The following ZSCAN29 variants were observed in gnomAD, a reference collection of about 807,000 sequenced individuals.
ZSCAN29 encodes zinc finger and SCAN domain containing 29.
A neutral mutation model predicts 71.9 loss-of-function variants in ZSCAN29; 55 were observed. The observed-to-expected ratio is 0.76, with a 90% CI of 0.62 to 0.96. The LOEUF (loss-of-function observed/expected upper bound fraction) is 0.96, where lower values mean the gene tolerates loss of function less well. Ranked by LOEUF, ZSCAN29 falls within the 40% of genes least tolerant of loss-of-function variation. ZSCAN29 has a pLI of 0.00. For missense variants in ZSCAN29, 1,042 were observed against 1,042.2 expected (o/e 1.00, Z 0.00); for synonymous variants, 351 against 371.6 (o/e 0.94, Z 0.64).
intron 5 of ZSCAN29, among the ~76,000 whole-genome samples, chr15:43,363,549 TAA>T (rs1356163783): frequency 1.3e-5 from 2 of 152,178 alleles, no homozygotes; most frequent in East Asian, 1.9e-4. Flanking sequence ...AGAAGACATA[TAA>T]AAGAGAATGA....
At chr15:43,368,086 A>G (rs2044057107) in intron 3 of ZSCAN29, among the ~76,000 whole-genome samples, 1 of 152,228 alleles carries the variant, frequency 6.6e-6, no homozygotes, top group Admixed American at 6.5e-5. Context: ...CTGATACAAG[A>G]CATTGCAAGA....
intron 3 of ZSCAN29, 119 bp downstream of exon 3, chr15:43,368,804 A>G: frequency 2.2e-6 from 2 of 924,696 alleles, no homozygotes; most frequent in Non-Finnish European, 3.3e-6. Flanking sequence ...CTACATGTCA[A>G]CAACCACATA....
Position 43,370,839 on chromosome 15 carries a change from A to C in ZSCAN29, c.-394T>G. The C allele has an allele frequency of 6.1e-6, 1 of 163,570 alleles. No individual in the cohort carries two copies. Among genetic ancestry groups the C allele is most frequent in the South Asian group, 1.5e-4 (1 of 6,586 alleles). 10.1% of individuals were successfully genotyped at this position (163,570 alleles called of 1,614,324 possible). A position where few individuals can be genotyped will look rare whatever the true frequency, so the allele number is the denominator to read the frequency against. On this transcript the variant is annotated 5_prime_UTR_variant, in exon 1 of 6. Transcript: ENST00000684362. ...CGGAGCCGTCGTGCGGTCCCTCCAG[A>C]GGCCTCTGACCCGGCTAAGGCGCCC...
chr15:43,369,562 C>G, intron 2 of ZSCAN29, 34 bp downstream of exon 2: 1 of 1,589,984 alleles, frequency 6.3e-7, no homozygotes. Context: ...CCCAGTATCA[C>G]ACTTTTGAAT....
At position 43,361,303 on chromosome 15, in the gene ZSCAN29, A is replaced by G. The variant is rs1366366330; in HGVS notation, c.2329T>C (p.Phe777Leu). ...CGKSFNNSSH[F>L]SAHRRIHTGE... Reference sequence around the variant, plus strand: ...GTGTGTATCCTCCGATGTGCACTAAAATGAGAACTGTTATTGAAGCTTTTT... The same window carrying G: ...GTGTGTATCCTCCGATGTGCACTAAGATGAGAACTGTTATTGAAGCTTTTT... The change falls in exon 6 of 6, where the codon TTT becomes CTT. Residue 777 changes from phenylalanine (F) to leucine (L), a missense_variant. By Grantham distance (22) the Phe-to-Leu change is conservative. Coordinates refer to ENST00000684362, the MANE Select transcript of ZSCAN29 (RefSeq NM_001372080.1). 6.2e-7 allele frequency: 1 copy of G among 1,614,032 alleles called. No homozygotes were observed. The highest frequency in any genetic ancestry group is 2.2e-5 in the East Asian group (1 of 44,876).
chr15:43,364,868 C>T (rs1327027670), intron 4 of ZSCAN29, among the ~76,000 whole-genome samples: 3 of 130,822 alleles, frequency 2.3e-5, no homozygotes, highest in African/African-American at 8.6e-5. Context: ...GCACTCCAGC[C>T]TGGACAACAA....
In ZSCAN29 at chr15:43,369,609, C is replaced by G. The variant is rs1195291653; in HGVS notation, c.305G>C (p.Arg102Thr). 1 of 1,612,650 alleles carries G rather than the reference C, an allele frequency of 6.2e-7. No homozygotes were observed. The highest frequency in any genetic ancestry group is 1.1e-5 in the South Asian group (1 of 91,028). The change falls in exon 2 of 6, where the codon AGA (arginine) becomes ACA (threonine). Residue 102 changes from arginine to threonine, a missense_variant. Transcript: ENST00000684362. Reference protein sequence around the residue: ...LVEDLEREPGRPRSSVTVSVK... With the variant: ...LVEDLEREPGTPRSSVTVSVK... ...CTCCCTTCTCACCGAAGATCTAGGTCTTCCAGGCTCTCTTTCTAAATCTTC... is the reference window on the plus strand; with the variant it reads ...CTCCCTTCTCACCGAAGATCTAGGTGTTCCAGGCTCTCTTTCTAAATCTTC...
In ZSCAN29 at chr15:43,367,896, A is replaced by G. The variant is rs61347729; in HGVS notation, c.523+1027T>C. Among the ~76,000 whole-genome samples the G allele has an allele frequency of 2.6e-5, 4 of 152,292 alleles. No homozygotes were observed. In the East Asian group the frequency reaches 7.7e-4, roughly 29 times the overall value. On this transcript the variant is annotated intron_variant, in intron 3 of 5. Transcript: ENST00000684362. ...ATTCAAAACAACCTCAACAAATTTT[A>G]AGTGAAATGGTAACAGAAAAAAGCA...
In ZSCAN29 at chr15:43,361,815, C is replaced by T. The variant is rs2043985082; in HGVS notation, c.1817G>A (p.Gly606Asp). The change falls in exon 6 of 6, where the codon GGC becomes GAC. Residue 606 changes from glycine (G) to aspartate (D), a missense_variant. By Grantham distance (94) the Gly-to-Asp change is moderately conservative (BLOSUM62 -1). Coordinates refer to ENST00000684362, the MANE Select transcript of ZSCAN29 (RefSeq NM_001372080.1). Reference protein sequence around the residue: ...KIPRYLHQGKGNESDCRSGRQ... With the variant: ...KIPRYLHQGKDNESDCRSGRQ... ...TCCTGATCTACAGTCACTCTCATTG[C>T]CTTTACCCTGATGAAGATACCGGGG... 1.9e-6 allele frequency: 3 copies of T among 1,614,060 alleles called. No homozygotes were observed. The highest frequency in any genetic ancestry group is 2.5e-6 in the Non-Finnish European group (3 of 1,180,038).
In ZSCAN29 at chr15:43,361,737, T is replaced by C. The variant is rs201391518; in HGVS notation, c.1895A>G (p.Glu632Gly). 6.2e-7 allele frequency: 1 copy of C among 1,614,228 alleles called. No homozygotes were observed. The highest frequency in any genetic ancestry group is 2.2e-5 in the East Asian group (1 of 44,888). The change falls in exon 6 of 6, where the codon GAG (glutamate) becomes GGG (glycine). Residue 632 changes from glutamate to glycine, a missense_variant. By Grantham distance (98) the Glu-to-Gly change is moderately conservative (BLOSUM62 -2). Coordinates refer to ENST00000684362, the MANE Select transcript of ZSCAN29 (RefSeq NM_001372080.1). ...ACTTAGGACTTCACTTAAGCTCTTCTCCGGGAGTGTCAGTTTTCCTCTTTT... is the reference window on the plus strand; with the variant it reads ...ACTTAGGACTTCACTTAAGCTCTTCCCCGGGAGTGTCAGTTTTCCTCTTTT... Reference protein sequence around the residue: ...GEKRGKLTLPEKSLSEVLSQQ... With the variant: ...GEKRGKLTLPGKSLSEVLSQQ...
rs1395619429 is a variant in ZSCAN29, at chr15:43,369,629, A to G, written c.285T>C (p.Asp95=). The change falls in exon 2 of 6, where the codon GAT becomes GAC. Residue 95 remains aspartate (D), a synonymous_variant. Transcript: ENST00000684362. ...TAGGTCTTCCAGGCTCTCTTTCTAA[A>G]TCTTCCACGAGAGTCACTGCCTCCT... is the stretch of plus-strand genomic sequence containing the variant. ...NGEEAVTLVE[D]LEREPGRPRS... is the part of the protein sequence containing the mutation. The G allele has an allele frequency of 1.2e-6, 2 of 1,613,612 alleles. No individual in the cohort carries two copies. The highest frequency in any genetic ancestry group is 1.7e-6 in the Non-Finnish European group (2 of 1,179,672).
rs1268269208 is a variant in ZSCAN29 at position 43,360,264 on chromosome 15, A to T, written c.*809T>A. ...GAGGCTGAGGCAGGAAAATTGTTTGAACCCAGAAGGCAGAGGTTGCAGTGA... is the reference window on the plus strand; with the variant it reads ...GAGGCTGAGGCAGGAAAATTGTTTGTACCCAGAAGGCAGAGGTTGCAGTGA... On this transcript the variant is annotated 3_prime_UTR_variant, in exon 6 of 6. Coordinates refer to ENST00000684362, the MANE Select transcript of ZSCAN29 (RefSeq NM_001372080.1). 1.3e-5 allele frequency: 2 copies of T among 152,030 alleles called. No homozygotes were observed. The highest frequency in any genetic ancestry group is 2.9e-5 in the Non-Finnish European group (2 of 68,122). 9.4% of individuals were successfully genotyped at this position (152,030 alleles called of 1,614,324 possible).
intron 1 of ZSCAN29, 51 bp downstream of exon 1, chr15:43,370,507 C>CT: frequency 6.6e-6 from 1 of 152,502 alleles, no homozygotes; most frequent in Non-Finnish European, 1.5e-5. Flanking sequence ...AATCTCGGGT[C>CT]TTTGTTTTCC....
Position 43,369,033 on chromosome 15 carries a change from A to G in ZSCAN29, c.413T>C (p.Val138Ala), listed in dbSNP as rs1250089128. 4 of 1,612,652 alleles carry G rather than the reference A, an allele frequency of 2.5e-6. No homozygotes were observed. Among genetic ancestry groups the G allele is most frequent in the South Asian group, 1.1e-5 (1 of 90,762 alleles). Residue 138 changes from valine to alanine, a missense_variant, in exon 3 of 6, where the codon GTG (valine) becomes GCG (alanine). By Grantham distance (64) the Val-to-Ala change is moderately conservative. Transcript: ENST00000684362. ...QELLSVRQES[V>A]EPQPRGVPKK... ...GGGTACACCCCTGGGCTGGGGTTCC[A>G]CTGACTCCTGCCGAACACTTAATAA...
Position 43,369,903 on chromosome 15 carries a change from T to G in ZSCAN29, c.11A>C (p.Lys4Thr), listed in dbSNP as rs773356187. MMA[K>T]SALRENGTNS... ...AGTGCCATTCTCTCTTAGAGCTGAT[T>G]TGGCCATCATTAATAGCAGAATGCA... Residue 4 changes from lysine to threonine, a missense_variant, in exon 2 of 6, where the codon AAA becomes ACA. Transcript: ENST00000684362. 1 of 1,598,302 alleles carries G rather than the reference T, an allele frequency of 6.3e-7. No homozygotes were observed. Among genetic ancestry groups the G allele is most frequent in the African/African-American group, 1.3e-5 (1 of 74,832 alleles).
At position 43,363,835 on chromosome 15, in the gene ZSCAN29, G is replaced by C. The variant is rs1165225513; in HGVS notation, c.1690+80C>G. The C allele has an allele frequency of 3.6e-6, 5 of 1,392,014 alleles. No individual in the cohort carries two copies. In the East Asian group the frequency reaches 1.2e-4, roughly 33 times the overall value. 86.2% of individuals were successfully genotyped at this position (1,392,014 alleles called of 1,614,324 possible). A position where few individuals can be genotyped will look rare whatever the true frequency, so the allele number is the denominator to read the frequency against. Reference sequence around the variant, plus strand: ...CCATGAAAGCTGGGTGTAGAGGCCAGTTCTCAATCAGATGATATTTTTCCT... The same window carrying C: ...CCATGAAAGCTGGGTGTAGAGGCCACTTCTCAATCAGATGATATTTTTCCT... On this transcript the variant is annotated intron_variant, in intron 5 of 5. Transcript: ENST00000684362.
Position 43,369,784 on chromosome 15 carries a change from A to G in ZSCAN29, c.130T>C (p.Cys44Arg). The G allele has an allele frequency of 1.2e-6, 2 of 1,614,238 alleles. No homozygotes were observed. Among genetic ancestry groups the G allele is most frequent in the Non-Finnish European group, 1.7e-6 (2 of 1,180,040 alleles). Residue 44 changes from cysteine to arginine, a missense_variant, in exon 2 of 6, where the codon TGT becomes CGT. Transcript: ENST00000684362. Reference sequence around the variant, plus strand: ...CGCACCTCCGGCCTTAGCCACCGACAGCAAAGTTCCCAGAGTTGGCTGAAA... The same window carrying G: ...CGCACCTCCGGCCTTAGCCACCGACGGCAAAGTTCCCAGAGTTGGCTGAAA... ...EAFSQLWELC[C>R]RWLRPEVRTK... is the part of the protein sequence containing the mutation.
rs771934402 is a variant in ZSCAN29, at chr15:43,366,286, T to A, written c.1046A>T (p.His349Leu). Reference sequence around the variant, plus strand: ...AGCATCGCTGCCTACCAGGCCAGAGTGAGAGGCTGCTGCTTCCAGGCCATT... The same window carrying A: ...AGCATCGCTGCCTACCAGGCCAGAGAGAGAGGCTGCTGCTTCCAGGCCATT... ...PSNGLEAAASHSGLVGSDAET... is the reference protein window; with the variant it reads ...PSNGLEAAASLSGLVGSDAET... The change falls in exon 4 of 6, where the codon CAC becomes CTC. Residue 349 changes from histidine (H) to leucine (L), a missense_variant. By Grantham distance (99) the His-to-Leu change is moderately conservative (BLOSUM62 -3). Transcript: ENST00000684362. 6 of 1,613,086 alleles carry A rather than the reference T, an allele frequency of 3.7e-6. No individual in the cohort carries two copies. Among genetic ancestry groups the A allele is most frequent in the Middle Eastern group, 1.7e-4 (1 of 6,060 alleles).
At position 43,361,419 on chromosome 15, in the gene ZSCAN29, T is replaced by A. The variant is rs768645431; in HGVS notation, c.2213A>T (p.Glu738Val). The change falls in exon 6 of 6, where the codon GAG becomes GTG. Residue 738 changes from glutamate (E) to valine (V), a missense_variant. Coordinates refer to ENST00000684362, the MANE Select transcript of ZSCAN29 (RefSeq NM_001372080.1). ...HTGEKPYQCG[E>V]CGKCFNQSSS... ...GCTCTGATTGAAGCATTTCCCACAC[T>A]CACCACATTGATAAGGTTTCTCTCC... is the stretch of plus-strand genomic sequence containing the variant. 7 of 1,614,036 alleles carry A rather than the reference T, an allele frequency of 4.3e-6. No individual in the cohort carries two copies. Among genetic ancestry groups the A allele is most frequent in the Admixed American group, 3.3e-5 (2 of 60,008 alleles).
Sources: allele counts gnomAD v4.1 joint callset (sites outside exome capture counted in the v4.1 genomes callset), GRCh38; gene constraint gnomAD v4.1.1; transcripts MANE v1.5; gene names NCBI Gene and HGNC (gene_info 2026-07-23, HGNC 2026-07-21).